Variants in MFN1 observed in about 807,000 individuals in gnomAD.
MFN1 encodes mitofusin 1.
MFN1 carries 65 observed loss-of-function variants against 92.4 expected under a neutral mutation model. The observed-to-expected ratio is 0.70, with a 90% confidence interval of 0.58 to 0.86. MFN1 has a LOEUF of 0.86. MFN1 is among the 40% of genes least tolerant of loss of function. MFN1 has a pLI of 0.00. For missense variants in MFN1, 781 were observed against 868.0 expected, an observed-to-expected ratio of 0.90 and a Z score of 1.26; for synonymous variants, 297 against 300.9, an observed-to-expected ratio of 0.99 and a Z score of 0.13.
chr3:179,363,409 T>G (rs1712659679), intron 5 of MFN1, among the ~76,000 whole-genome samples: 1 of 152,114 alleles, frequency 6.6e-6, no homozygotes, highest in South Asian at 2.1e-4. Flanking sequence ...ATTGTACATT[T>G]AAAAATAACT....
intron 6 of MFN1, 38 bp from the exon 7 acceptor site, chr3:179,365,080 T>G: frequency 8.8e-7 from 1 of 1,133,804 alleles, no homozygotes; most frequent in Admixed American, 2.8e-5. Context: ...AAATGTAAAT[T>G]ATAGTGAATG....
rs183071819 is a variant in MFN1 at position 179,355,816 on chromosome 3, G to A, written c.249-3024G>A. Reference sequence around the variant, plus strand: ...AAAATAGAAAAATTAACTGGGTGTGGTGGTGCACTCCTGTAATCCCAGCTA... The same window carrying A: ...AAAATAGAAAAATTAACTGGGTGTGATGGTGCACTCCTGTAATCCCAGCTA... On this transcript the variant is annotated intron_variant, in intron 3 of 17. Coordinates refer to ENST00000471841, the MANE Select transcript of MFN1 (RefSeq NM_033540.3). 6.4e-3 allele frequency among the ~76,000 whole-genome samples: 979 copies of A among 152,294 alleles called. 12 individuals are homozygous for A. Among genetic ancestry groups the A allele is most frequent in the African/African-American group, 0.023 (942 of 41,550 alleles).
intron 3 of MFN1, 117 bp downstream of exon 3, chr3:179,352,152 G>A (rs1341630575): frequency 1.2e-5 from 13 of 1,059,024 alleles, no homozygotes; most frequent in Non-Finnish European, 1.8e-5. Context: ...TGCCTGTGTT[G>A]AATGTTAAAG....
intron 17 of MFN1, among the ~76,000 whole-genome samples, 194 bp downstream of exon 17, chr3:179,390,332 T>C (rs1290475993): frequency 6.6e-6 from 1 of 152,180 alleles, no homozygotes; most frequent in African/African-American, 2.4e-5. Context: ...TTTAATTCCA[T>C]GTGGTTTGCA....
chr3:179,383,919 C>CTTT, intron 14 of MFN1, among the ~76,000 whole-genome samples: 4 of 151,980 alleles, frequency 2.6e-5, no homozygotes, highest in Non-Finnish European at 4.4e-5. Context: ...ATTGTAAAAC[C>CTTT]ATCACCACAA....
chr3:179,370,214 T>A (rs902964316), intron 9 of MFN1, among the ~76,000 whole-genome samples: 4 of 152,154 alleles, frequency 2.6e-5, no homozygotes, highest in Middle Eastern at 3.4e-3. Context: ...TAAAATTGTT[T>A]GTTTTGAATC....
At position 179,386,723 on chromosome 3, in the gene MFN1, A is replaced by T. The variant is rs549498196; in HGVS notation, c.2012+94A>T. 73 of 1,149,910 alleles carry T rather than the reference A, an allele frequency of 6.3e-5. No individual in the cohort carries two copies. In the African/African-American group the frequency reaches 1.1e-3, roughly 17 times the overall value. The allele number at this position is 1,149,910 out of a possible 1,614,324, so 71.2% of individuals were successfully genotyped here. On this transcript the variant is annotated intron_variant, in intron 16 of 17. Transcript: ENST00000471841. ...ACAAAATAAGTGTATTGCTCAAAGA[A>T]TTATCACAAAATGAACATGTTTCGT...
intron 14 of MFN1, among the ~76,000 whole-genome samples, chr3:179,384,197 A>G (rs993974656): frequency 6.6e-6 from 1 of 152,190 alleles, no homozygotes; most frequent in African/African-American, 2.4e-5. Context: ...ATATTCCATT[A>G]TAGATACAAC....
intron 14 of MFN1, 35 bp from the exon 15 acceptor site, chr3:179,385,534 T>A: frequency 6.5e-7 from 1 of 1,541,708 alleles, no homozygotes; most frequent in Admixed American, 2.3e-5. Flanking sequence ...GTTGTTTAAG[T>A]GTAATCTTTT....
At chr3:179,370,848 G>T (rs1712996697) in intron 9 of MFN1, among the ~76,000 whole-genome samples, 1 of 151,986 alleles carries the variant, frequency 6.6e-6, no homozygotes, top group Admixed American at 6.5e-5. Context: ...AGTTTTTGTT[G>T]TTTTTGTTTC....
intron 7 of MFN1, among the ~76,000 whole-genome samples, chr3:179,365,925 A>G (rs1310419203): frequency 1.3e-5 from 2 of 152,136 alleles, no homozygotes; most frequent in Non-Finnish European, 2.9e-5. Context: ...AGTGATGGGC[A>G]TTTGGGTTAA....
chr3:179,386,665 G>A lies in MFN1; in HGVS notation c.2012+36G>A, dbSNP rs1468461922. ...AGGTGCATCTTTCCTTTAAAAAAAAGTTACTGAAATATGACATACATGCAG... is the reference window on the plus strand; with the variant it reads ...AGGTGCATCTTTCCTTTAAAAAAAAATTACTGAAATATGACATACATGCAG... On this transcript the variant is annotated intron_variant, in intron 16 of 17. Coordinates refer to ENST00000471841, the MANE Select transcript of MFN1 (RefSeq NM_033540.3). The A allele has an allele frequency of 1.4e-5, 22 of 1,553,746 alleles. No homozygotes were observed. The South Asian group carries it at 2.6e-4, about 19-fold the overall frequency.
chr3:179,375,146 A>G, intron 9 of MFN1, 74 bp from the exon 10 acceptor site: 2 of 1,434,990 alleles, frequency 1.4e-6, no homozygotes, highest in African/African-American at 2.9e-5. Flanking sequence ...ACAAACAGCA[A>G]GTTTTTGTGT....
chr3:179,360,476 A>T lies in MFN1; in HGVS notation c.411+1474A>T, dbSNP rs1034663250. On this transcript the variant is annotated intron_variant, in intron 4 of 17. Transcript: ENST00000471841. ...AGTATATTTATGAATAAATATTTTA[A>T]CTTTATCAGATGAGGGCCAATGGCA... Among the ~76,000 whole-genome samples the T allele has an allele frequency of 5.3e-5, 8 of 152,228 alleles. No homozygotes were observed. In the East Asian group the frequency reaches 1.5e-3, roughly 29 times the overall value.
chr3:179,378,524 T>G (rs903056229), intron 13 of MFN1, 61 bp from the exon 14 acceptor site: 4 of 1,529,838 alleles, frequency 2.6e-6, no homozygotes, highest in Non-Finnish European at 3.6e-6. Context: ...CTTTAGGCAT[T>G]CCATTGAAGG....
chr3:179,371,680 A>T (rs1713027553), intron 9 of MFN1, among the ~76,000 whole-genome samples: 1 of 152,174 alleles, frequency 6.6e-6, no homozygotes, highest in Non-Finnish European at 1.5e-5. Flanking sequence ...AATTCTTACT[A>T]GTTTTGGTTG....
chr3:179,372,736 T>C (rs1560196060), intron 9 of MFN1, among the ~76,000 whole-genome samples: 1 of 152,326 alleles, frequency 6.6e-6, no homozygotes, highest in East Asian at 1.9e-4. Context: ...CACTGTGCTG[T>C]TATCTACAAA....
chr3:179,348,825 C>G lies in MFN1; in HGVS notation c.-7-20C>G. 1 of 1,604,896 alleles carries G rather than the reference C, an allele frequency of 6.2e-7. No homozygotes were observed. Among genetic ancestry groups the G allele is most frequent in the Non-Finnish European group, 8.5e-7 (1 of 1,172,756 alleles). Reference sequence around the variant, plus strand: ...ATCATCCACTTTAGTTGGTGCTTTTCTAACTTTATCTCCCTCTAGTAGCAT... The same window carrying G: ...ATCATCCACTTTAGTTGGTGCTTTTGTAACTTTATCTCCCTCTAGTAGCAT... On this transcript the variant is annotated intron_variant, in intron 1 of 17. Transcript: ENST00000471841.
rs553004784 is a variant in MFN1, at chr3:179,376,294, G to T, written c.1098-748G>T. On this transcript the variant is annotated intron_variant, in intron 10 of 17. Transcript: ENST00000471841. Reference sequence around the variant, plus strand: ...GGCCTCTGTTTAATTAGATCGTGCTGCTATAGCAGTTCCTTCTAGCTCAGT... The same window carrying T: ...GGCCTCTGTTTAATTAGATCGTGCTTCTATAGCAGTTCCTTCTAGCTCAGT... Among the ~76,000 whole-genome samples the T allele has an allele frequency of 2.0e-5, 3 of 152,298 alleles. No homozygotes were observed. The East Asian group carries it at 5.8e-4, about 29-fold the overall frequency.
Sources: gnomAD v4.1 joint callset for allele counts (sites outside exome capture counted in the v4.1 genomes callset) on GRCh38, gnomAD v4.1.1 for gene constraint, MANE v1.5 for transcripts, NCBI Gene and HGNC (gene_info 2026-07-23, HGNC 2026-07-21) for gene names.